SLC35A1: variants seen among roughly 807,000 people sequenced by gnomAD.
SLC35A1 encodes the protein solute carrier family 35 member A1.
A neutral mutation model predicts 40.3 loss-of-function variants in SLC35A1; 21 were observed. The observed-to-expected ratio is 0.52, with a 90% CI of 0.37 to 0.75. The LOEUF is 0.75. Among genes scored for constraint, SLC35A1 ranks in the 30% least tolerant of loss-of-function variants. The pLI, the probability that SLC35A1 is intolerant of heterozygous loss-of-function variation, is 0.00. For synonymous variants in SLC35A1, 146 were observed against 147.3 expected, an observed-to-expected ratio of 0.99 and a Z score of 0.06; for missense variants, 297 against 382.1, an observed-to-expected ratio of 0.78 and a Z score of 1.86.
chr6:87,501,489 T>C (rs1166096667), intron 4 of SLC35A1, among the ~76,000 whole-genome samples, 179 bp downstream of exon 4: 1 of 152,214 alleles, frequency 6.6e-6, no homozygotes, highest in Non-Finnish European at 1.5e-5. Context: ...TACTTATTGG[T>C]TGTTTCTCAG....
intron 7 of SLC35A1, among the ~76,000 whole-genome samples, chr6:87,511,061 T>TTA (rs988934517): frequency 2.1e-4 from 32 of 152,126 alleles, no homozygotes; most frequent in African/African-American, 7.5e-4. Context: ...TCTTTTGTAC[T>TTA]TATATATATT....
rs1398076936 is a variant in SLC35A1 at position 87,477,461 on chromosome 6, A to G, written c.116A>G (p.Lys39Arg). 2.5e-6 allele frequency: 4 copies of G among 1,614,076 alleles called. No homozygotes were observed. In the African/African-American group the frequency reaches 5.3e-5, roughly 22 times the overall value. ...TTAAGATACACAAGGACATCAGACA[A>G]AGAACTCTACTTTTCAACCACAGCC... Reference protein sequence around the residue: ...IALRYTRTSDKELYFSTTAVC... With the variant: ...IALRYTRTSDRELYFSTTAVC... Residue 39 changes from lysine to arginine, a missense_variant, in exon 2 of 8, where the codon AAA becomes AGA. By Grantham distance (26) the Lys-to-Arg change is conservative. Transcript: ENST00000369552.
At chr6:87,495,226 C>G (rs1211383912) in intron 2 of SLC35A1, among the ~76,000 whole-genome samples, 2 of 152,194 alleles carry the variant, frequency 1.3e-5, no homozygotes, top group African/African-American at 4.8e-5. Context: ...TCCCAGCATG[C>G]TGGGATTATA....
intron 4 of SLC35A1, among the ~76,000 whole-genome samples, chr6:87,505,361 A>C (rs540591517): frequency 1.3e-5 from 2 of 152,212 alleles, no homozygotes; most frequent in Non-Finnish European, 2.9e-5. Context: ...CAGTTTAGAA[A>C]AGAAAGAGAA....
rs1486625662 is a variant in SLC35A1 at position 87,500,578 on chromosome 6, T to C, written c.265T>C (p.Leu89=). ...TGTCTTGGGGAGCCCCAAGGAACTG[T>C]TGAAGTTAAGTGTGCCATCGTTAGT... ...ENVLGSPKEL[L]KLSVPSLVYA... The change falls in exon 3 of 8, where the codon TTG becomes CTG. Residue 89 remains leucine (L), a synonymous_variant. Transcript: ENST00000369552. 1.2e-6 allele frequency: 2 copies of C among 1,614,102 alleles called. No homozygotes were observed. The highest frequency in any genetic ancestry group is 8.5e-7 in the Non-Finnish European group (1 of 1,179,988).
Position 87,501,228 on chromosome 6 carries a change from A to G in SLC35A1, c.425A>G (p.Lys142Arg). The G allele has an allele frequency of 6.2e-7, 1 of 1,614,096 alleles. No individual in the cohort carries two copies. Among genetic ancestry groups the G allele is most frequent in the Non-Finnish European group, 8.5e-7 (1 of 1,179,982 alleles). Residue 142 changes from lysine (K) to arginine (R), a missense_variant, in exon 4 of 8, where the codon AAA (lysine) becomes AGA (arginine). By Grantham distance (26) the Lys-to-Arg change is conservative. Coordinates refer to ENST00000369552, the MANE Select transcript of SLC35A1 (RefSeq NM_006416.5). Reference protein sequence around the residue: ...TVLMLNRTLSKLQWVSVFMLC... With the variant: ...TVLMLNRTLSRLQWVSVFMLC... Reference sequence around the variant, plus strand: ...TTAATGTTAAACCGGACACTCAGCAAATTACAGTGGGTTTCAGTTTTTATG... The same window carrying G: ...TTAATGTTAAACCGGACACTCAGCAGATTACAGTGGGTTTCAGTTTTTATG...
rs76193993 is a variant in SLC35A1 at position 87,477,516 on chromosome 6, G to T, written c.171G>T (p.Leu57Phe). Residue 57 changes from leucine (L) to phenylalanine (F), a missense_variant, in exon 2 of 8, where the codon TTG (leucine) becomes TTT (phenylalanine). Transcript: ENST00000369552. ...GTATCACAGAAGTTATAAAGTTATT[G>T]CTAAGTGTGGGAATTTTAGCTAAGT... Reference protein sequence around the residue: ...AVCITEVIKLLLSVGILAKET... With the variant: ...AVCITEVIKLFLSVGILAKET... 1.2e-5 allele frequency: 20 copies of T among 1,613,808 alleles called. No individual in the cohort carries two copies. The highest frequency in any genetic ancestry group is 1.7e-5 in the Non-Finnish European group (20 of 1,179,900).
rs1485297759 is a variant in SLC35A1, at chr6:87,508,356, A to C, written c.575-64A>C. The C allele has an allele frequency of 9.9e-6, 11 of 1,112,210 alleles. No individual in the cohort carries two copies. In the South Asian group the frequency reaches 1.3e-4, roughly 13 times the overall value. The allele number at this position is 1,112,210 out of a possible 1,614,324, so 68.9% of individuals were successfully genotyped here. A position where few individuals can be genotyped will look rare whatever the true frequency, so the allele number is the denominator to read the frequency against. On this transcript the variant is annotated intron_variant, in intron 5 of 7. Transcript: ENST00000369552. ...ATATATCTCTAGGGTATTGTTCTAA[A>C]TGAAAGACATTTTAAGTTAATTTAT...
At chr6:87,486,541 C>G (rs1769396314) in intron 2 of SLC35A1, among the ~76,000 whole-genome samples, 1 of 152,008 alleles carries the variant, frequency 6.6e-6, no homozygotes, top group Non-Finnish European at 1.5e-5. Flanking sequence ...CCCTCATGGA[C>G]TTATAGTCTG....
intron 2 of SLC35A1, among the ~76,000 whole-genome samples, chr6:87,495,776 C>T (rs903728236): frequency 2.6e-5 from 4 of 152,010 alleles, no homozygotes; most frequent in Non-Finnish European, 5.9e-5. Context: ...CTGCCTCAGC[C>T]TCCCGAGTAG....
At chr6:87,498,646 A>G (rs1769815746) in intron 2 of SLC35A1, among the ~76,000 whole-genome samples, 1 of 152,018 alleles carries the variant, frequency 6.6e-6, no homozygotes, top group Admixed American at 6.6e-5. Flanking sequence ...TGGCCTGTGC[A>G]TGTAGTCCCA....
chr6:87,493,482 G>A lies in SLC35A1; in HGVS notation c.195-7026G>A, dbSNP rs556090471. On this transcript the variant is annotated intron_variant, in intron 2 of 7. Transcript: ENST00000369552. ...TCTAGTTGTGTGTGTGTGTGTGTGT[G>A]TATAACAAAGAGTTCTACATTGATT... Among the ~76,000 whole-genome samples the A allele has an allele frequency of 3.9e-5, 6 of 151,980 alleles. No individual in the cohort carries two copies. In the South Asian group the frequency reaches 1.0e-3, roughly 26 times the overall value.
intron 2 of SLC35A1, among the ~76,000 whole-genome samples, chr6:87,496,621 A>G (rs933258837): frequency 2.6e-5 from 4 of 151,872 alleles, no homozygotes; most frequent in African/African-American, 9.7e-5. Flanking sequence ...TCTACTAAAA[A>G]TACAAAAAAT....
At chr6:87,502,890 T>C (rs891400760) in intron 4 of SLC35A1, among the ~76,000 whole-genome samples, 14 of 152,342 alleles carry the variant, frequency 9.2e-5, no homozygotes, top group African/African-American at 2.6e-4. Flanking sequence ...AGGACTGGAA[T>C]AGACTCTCAT....
At chr6:87,499,151 A>T (rs150039305) in intron 2 of SLC35A1, 1 of 978,682 alleles carries the variant, frequency 1.0e-6, no homozygotes, top group East Asian at 1.1e-4. Flanking sequence ...GTTCTACAGC[A>T]AATAAATAGG....
chr6:87,486,068 T>G (rs778932896), intron 2 of SLC35A1, among the ~76,000 whole-genome samples: 1 of 152,240 alleles, frequency 6.6e-6, no homozygotes, highest in Non-Finnish European at 1.5e-5. Context: ...ATACTAGAAC[T>G]TCAATTTTTT....
intron 2 of SLC35A1, among the ~76,000 whole-genome samples, chr6:87,497,167 C>G (rs1769755570): frequency 6.8e-6 from 1 of 147,990 alleles, no homozygotes; most frequent in South Asian, 2.1e-4. Flanking sequence ...TTCTGTTATT[C>G]TCTTTTACTA....
chr6:87,495,055 C>G (rs1283571731), intron 2 of SLC35A1, among the ~76,000 whole-genome samples: 1 of 151,962 alleles, frequency 6.6e-6, no homozygotes, highest in Non-Finnish European at 1.5e-5. Context: ...CTGCAACCAT[C>G]GCTTCCTGGG....
At chr6:87,496,024 T>G (rs548375418) in intron 2 of SLC35A1, 2 of 152,330 alleles carry the variant, frequency 1.3e-5, no homozygotes, top group East Asian at 3.9e-4. Flanking sequence ...TAAACAAAAT[T>G]TAACTTTCTT....
Sources: gnomAD v4.1 joint callset for allele counts (sites outside exome capture counted in the v4.1 genomes callset) on GRCh38, gnomAD v4.1.1 for gene constraint, MANE v1.5 for transcripts, NCBI Gene and HGNC (gene_info 2026-07-23, HGNC 2026-07-21) for gene names.